PDS5B: variants seen among roughly 807,000 people sequenced by gnomAD.
PDS5B encodes the protein PDS5 cohesin associated factor B, also known as sister chromatid cohesion protein PDS5 homolog B.
In PDS5B, 51 loss-of-function variants were observed where a neutral mutation model predicts 184.1. The ratio of observed to expected loss-of-function variants is 0.28; its 90% CI spans 0.22 to 0.35. The LOEUF is 0.35. PDS5B is among the 10% of genes least tolerant of loss of function. PDS5B has a pLI of 1.00. For synonymous variants in PDS5B, 566 were observed against 569.2 expected (o/e 0.99, Z 0.08); for missense variants, 1,180 against 1,723.3 (o/e 0.68, Z 5.58).
intron 6 of PDS5B, among the ~76,000 whole-genome samples, chr13:32,660,306 A>G (rs1475790533): frequency 1.3e-5 from 2 of 152,152 alleles, no homozygotes; most frequent in African/African-American, 2.4e-5. Context: ...TATAATCCCC[A>G]TTAATCCATT....
At chr13:32,587,429 A>G (rs1359365266) in intron 1 of PDS5B, among the ~76,000 whole-genome samples, 2 of 152,054 alleles carry the variant, frequency 1.3e-5, no homozygotes, top group Non-Finnish European at 2.9e-5. Context: ...GTGACTCGTT[A>G]TTGTTTTTAC....
chr13:32,604,608 C>T (rs1348354282), intron 1 of PDS5B, among the ~76,000 whole-genome samples: 2 of 152,110 alleles, frequency 1.3e-5, no homozygotes, highest in Non-Finnish European at 2.9e-5. Flanking sequence ...AGGGAGGATT[C>T]CCTCTTTTTC....
At chr13:32,745,090 C>T (rs1953696613) in intron 23 of PDS5B, among the ~76,000 whole-genome samples, 2 of 152,128 alleles carry the variant, frequency 1.3e-5, no homozygotes, top group Non-Finnish European at 2.9e-5. Flanking sequence ...ATGAATTGTG[C>T]TTCATTTTAG....
chr13:32,718,673 A>G (rs7983543), intron 19 of PDS5B, among the ~76,000 whole-genome samples: 5,884 of 152,304 alleles, frequency 0.039, 360 homozygotes, highest in African/African-American at 0.13. Context: ...AATAAGAAAT[A>G]CAAGTGTGGG....
intron 3 of PDS5B, among the ~76,000 whole-genome samples, chr13:32,656,654 TAGCACAATCTTGGCTCACTAC>T: frequency 6.6e-6 from 1 of 151,190 alleles, no homozygotes. Flanking sequence ...TGGAGTGCAG[TAGCACAATCTTGGCTCACTAC>T]AGTCTTTGCC....
chr13:32,714,675 C>T (rs990793739), intron 19 of PDS5B, among the ~76,000 whole-genome samples: 5 of 152,124 alleles, frequency 3.3e-5, no homozygotes, highest in South Asian at 2.1e-4. Context: ...AAGAGAAATA[C>T]GGCTCTGTTA....
At chr13:32,610,066 A>G (rs2058118250) in intron 1 of PDS5B, among the ~76,000 whole-genome samples, 1 of 152,226 alleles carries the variant, frequency 6.6e-6, no homozygotes, top group Admixed American at 6.5e-5. Flanking sequence ...ATTTAAGAGC[A>G]CTGAGAATTT....
At chr13:32,689,516 G>A (rs898687598) in intron 13 of PDS5B, 1 of 152,030 alleles carries the variant, frequency 6.6e-6, no homozygotes, top group Non-Finnish European at 1.5e-5. Context: ...TGCCCACAAA[G>A]CTTAAAATAT....
intron 34 of PDS5B, among the ~76,000 whole-genome samples, chr13:32,774,728 C>T (rs184526058): frequency 4.6e-5 from 7 of 152,242 alleles, no homozygotes; most frequent in African/African-American, 1.4e-4. Flanking sequence ...ATTTTTCTTG[C>T]TGTAGACATT....
At chr13:32,710,152 A>C in intron 19 of PDS5B, 46 bp downstream of exon 19, 1 of 1,262,632 alleles carries the variant, frequency 7.9e-7, no homozygotes, top group African/African-American at 1.5e-5. Flanking sequence ...TCAGAAACAT[A>C]ATTATTTCTT....
chr13:32,712,015 C>G, intron 19 of PDS5B, among the ~76,000 whole-genome samples: 1 of 152,144 alleles, frequency 6.6e-6, no homozygotes, highest in Non-Finnish European at 1.5e-5. Context: ...TGAATTTAGG[C>G]CTGTTTGGCT....
intron 1 of PDS5B, among the ~76,000 whole-genome samples, chr13:32,619,093 C>CAGAACATTCTGAAAAA (rs2140529804): frequency 6.6e-6 from 1 of 152,310 alleles, no homozygotes; most frequent in East Asian, 1.9e-4. Flanking sequence ...AATACCCCTA[C>CAGAACATTCTGAAAAA]CCTGTATTTC....
chr13:32,663,909 C>A (rs1215328351), intron 6 of PDS5B, among the ~76,000 whole-genome samples: 1 of 152,138 alleles, frequency 6.6e-6, no homozygotes, highest in Non-Finnish European at 1.5e-5. Context: ...TCCATTATAT[C>A]ACTCTGTGTG....
At chr13:32,745,786 G>C (rs568415580) in intron 23 of PDS5B, among the ~76,000 whole-genome samples, 191 bp from the exon 24 acceptor site, 1 of 152,146 alleles carries the variant, frequency 6.6e-6, no homozygotes, top group South Asian at 2.1e-4. Flanking sequence ...CTCCCCAAAG[G>C]CTCCACCTCC....
At chr13:32,717,820 TAGAAA>T (rs1952522680) in intron 19 of PDS5B, among the ~76,000 whole-genome samples, 1 of 149,878 alleles carries the variant, frequency 6.7e-6, no homozygotes, top group Non-Finnish European at 1.5e-5. Context: ...GTTCAGAGTA[TAGAAA>T]AGAAAGCACT....
chr13:32,679,653 A>AT (rs1951177165), intron 10 of PDS5B, among the ~76,000 whole-genome samples: 1 of 151,454 alleles, frequency 6.6e-6, no homozygotes, highest in South Asian at 2.1e-4. Flanking sequence ...AAAAAAAAAA[A>AT]ATAAATAAAT....
chr13:32,589,207 C>G (rs977353624), intron 1 of PDS5B, among the ~76,000 whole-genome samples: 2 of 151,700 alleles, frequency 1.3e-5, no homozygotes, highest in African/African-American at 4.8e-5. Flanking sequence ...TCTGAGGTCA[C>G]AGTCATATTC....
intron 19 of PDS5B, among the ~76,000 whole-genome samples, chr13:32,718,574 G>T (rs1418620120): frequency 1.3e-5 from 2 of 152,136 alleles, no homozygotes; most frequent in African/African-American, 2.4e-5. Flanking sequence ...CCCAATAAAA[G>T]CAGGAACAAG....
chr13:32,750,155 A>G (rs563559087), intron 24 of PDS5B, among the ~76,000 whole-genome samples: 1 of 152,222 alleles, frequency 6.6e-6, no homozygotes, highest in African/African-American at 2.4e-5. Flanking sequence ...GGAGTTGCCT[A>G]TGATTTCACA....
Sources: gnomAD v4.1 joint callset for allele counts (sites outside exome capture counted in the v4.1 genomes callset) on GRCh38, gnomAD v4.1.1 for gene constraint, MANE v1.5 for transcripts, NCBI Gene and HGNC (gene_info 2026-07-23, HGNC 2026-07-21) for gene names.